The following PCDH11X variants were observed in gnomAD, a reference collection of about 807,000 sequenced individuals.
PCDH11X encodes the protein protocadherin 11 X-linked.
A neutral mutation model predicts 53.3 loss-of-function variants in PCDH11X; 18 were observed. That is an observed-to-expected ratio of 0.34 (90% CI 0.23 to 0.50). The LOEUF is 0.50. PCDH11X is among the 20% of genes least tolerant of loss of function. PCDH11X has a pLI of 0.98. For synonymous variants in PCDH11X, 279 were observed against 393.3 expected (o/e 0.71, Z 3.44); for missense variants, 570 against 1,032.4 (o/e 0.55, Z 6.14).
At chrX:92,551,413 T>C (rs1470086836) in intron 10 of PCDH11X, among the ~76,000 whole-genome samples, 2 of 105,916 alleles carry the variant, frequency 1.9e-5, no homozygotes, top group Non-Finnish European at 3.9e-5. Context: ...GCTCAGATTA[T>C]TAATTTCCTA....
chrX:91,834,121 AATTTT>A (rs1044734669), intron 4 of PCDH11X, among the ~76,000 whole-genome samples: 3 of 111,346 alleles, frequency 2.7e-5, no homozygotes, highest in African/African-American at 9.8e-5. Flanking sequence ...ATACAAATTT[AATTTT>A]GTTTATATAA....
intron 10 of PCDH11X, among the ~76,000 whole-genome samples, chrX:92,514,765 C>T (rs1447731488): frequency 9.6e-6 from 1 of 104,500 alleles, no homozygotes; most frequent in Non-Finnish European, 2.0e-5. Context: ...ATTAATCACC[C>T]GGCCGGGCGT....
intron 9 of PCDH11X, chrX:92,460,870 C>A: frequency 2.0e-6 from 2 of 1,020,040 alleles, no homozygotes; most frequent in Middle Eastern, 3.1e-4. Context: ...TCCATGCAAA[C>A]CATCCAAAAG....
intron 6 of PCDH11X, among the ~76,000 whole-genome samples, chrX:92,147,870 TC>T (rs1476047946): frequency 5.3e-5 from 4 of 75,988 alleles, no homozygotes; most frequent in Admixed American, 3.2e-4. Flanking sequence ...TTTCTCTCTT[TC>T]CTTTCTTTCT....
chrX:92,222,179 G>C (rs1367675066), intron 7 of PCDH11X, among the ~76,000 whole-genome samples: 1 of 110,546 alleles, frequency 9.0e-6, no homozygotes, highest in Admixed American at 9.7e-5. Flanking sequence ...ATGGCAGGGA[G>C]CTCTTTGGTG....
chrX:92,058,824 A>G (rs1469791256), intron 6 of PCDH11X, among the ~76,000 whole-genome samples: 1 of 108,004 alleles, frequency 9.3e-6, no homozygotes, highest in Non-Finnish European at 1.9e-5. Context: ...TATTATTTCA[A>G]TGCTGTATTT....
chrX:92,415,889 A>G (rs1440586628), intron 9 of PCDH11X, among the ~76,000 whole-genome samples: 1 of 112,026 alleles, frequency 8.9e-6, no homozygotes. Flanking sequence ...TTAAATTAAT[A>G]GAAAAATACA....
At chrX:92,222,137 T>C (rs1338093701) in intron 7 of PCDH11X, among the ~76,000 whole-genome samples, 4 of 55,612 alleles carry the variant, frequency 7.2e-5, no homozygotes, top group African/African-American at 1.7e-4. Context: ...CCCAGCCTCT[T>C]CAATAGATTT....
intron 10 of PCDH11X, among the ~76,000 whole-genome samples, chrX:92,593,200 C>A (rs1320184872): frequency 9.0e-6 from 1 of 110,868 alleles, no homozygotes; most frequent in Non-Finnish European, 1.9e-5. Context: ...TAAACGGCTT[C>A]TATGACTTTT....
chrX:92,257,552 A>C (rs951123720), intron 7 of PCDH11X, among the ~76,000 whole-genome samples: 9 of 112,451 alleles, frequency 8.0e-5, no homozygotes, highest in African/African-American at 2.9e-4. Flanking sequence ...AGTTACTTCC[A>C]AGATACAATG....
chrX:92,506,015 G>A (rs1487324882), intron 10 of PCDH11X, among the ~76,000 whole-genome samples: 1 of 110,292 alleles, frequency 9.1e-6, no homozygotes, highest in Non-Finnish European at 1.9e-5. Context: ...CTGATTTTGT[G>A]TCCTGAAACT....
At chrX:92,589,636 G>GA (rs1351156796) in intron 10 of PCDH11X, among the ~76,000 whole-genome samples, 1 of 111,263 alleles carries the variant, frequency 9.0e-6, no homozygotes, top group African/African-American at 3.3e-5. Flanking sequence ...TATCATCAGG[G>GA]AAAATCACCT....
At chrX:92,137,537 A>G (rs910814248) in intron 6 of PCDH11X, among the ~76,000 whole-genome samples, 10 of 111,775 alleles carry the variant, frequency 8.9e-5, no homozygotes, top group Non-Finnish European at 1.5e-4. Context: ...TCATTGGGAT[A>G]TAAATCACAT....
chrX:92,440,946 AATATG>A, intron 9 of PCDH11X, among the ~76,000 whole-genome samples: 1 of 111,364 alleles, frequency 9.0e-6, no homozygotes, highest in Admixed American at 9.6e-5. Flanking sequence ...TGCTGATAGT[AATATG>A]CACAATAAAG....
At chrX:92,321,353 C>T (rs2069203181) in intron 8 of PCDH11X, among the ~76,000 whole-genome samples, 1 of 108,028 alleles carries the variant, frequency 9.3e-6, no homozygotes, top group Non-Finnish European at 1.9e-5. Flanking sequence ...CCACCATGCC[C>T]AGCTAATTTT....
rs371043718 is a variant in PCDH11X at position 92,202,195 on chromosome X, C to T, written c.3114+740C>T. On this transcript the variant is annotated intron_variant, in intron 7 of 10. Coordinates refer to ENST00000682573, the MANE Select transcript of PCDH11X (RefSeq NM_032968.5). Reference sequence around the variant, plus strand: ...GATGGGCTCTCCACCTGCACAGTGGCCTGCTAGCACTTGAGAGGGGCCACA... The same window carrying T: ...GATGGGCTCTCCACCTGCACAGTGGTCTGCTAGCACTTGAGAGGGGCCACA... Among the ~76,000 whole-genome samples the T allele has an allele frequency of 2.7e-5, 3 of 111,548 alleles. No homozygotes were observed. The East Asian group carries it at 8.5e-4, about 31-fold the overall frequency.
At chrX:92,609,785 T>C (rs1927176305) in intron 10 of PCDH11X, among the ~76,000 whole-genome samples, 1 of 110,676 alleles carries the variant, frequency 9.0e-6, no homozygotes, top group Non-Finnish European at 1.9e-5. Flanking sequence ...GTGTCTATTG[T>C]TGCTGTCTTT....
At chrX:92,588,941 A>G (rs1924713759) in intron 10 of PCDH11X, among the ~76,000 whole-genome samples, 3 of 110,698 alleles carry the variant, frequency 2.7e-5, no homozygotes, top group South Asian at 3.8e-4. Flanking sequence ...AGAAAATACA[A>G]CGGAGCTCAA....
At chrX:92,360,165 G>A (rs149440926) in intron 8 of PCDH11X, among the ~76,000 whole-genome samples, 5,129 of 110,611 alleles carry the variant, frequency 0.046, 286 homozygotes, top group African/African-American at 0.16. Flanking sequence ...AGTACTTGTA[G>A]GGTATTTTAT....
Sources: allele counts gnomAD v4.1 joint callset (sites outside exome capture counted in the v4.1 genomes callset), GRCh38; gene constraint gnomAD v4.1.1; transcripts MANE v1.5; gene names NCBI Gene and HGNC (gene_info 2026-07-23, HGNC 2026-07-21).